ZNF345: variants seen among roughly 807,000 people sequenced by gnomAD.
ZNF345 encodes the protein zinc finger protein 345, also known as zinc finger protein HZF10.
For synonymous variants in ZNF345, 166 were observed against 187.9 expected (o/e 0.88, Z 0.95); for missense variants, 527 against 589.9 (o/e 0.89, Z 1.10).
At chr19:36,862,050 G>A (rs943785193) in intron 2 of ZNF345, among the ~76,000 whole-genome samples, 2 of 150,386 alleles carry the variant, frequency 1.3e-5, no homozygotes, top group Admixed American at 6.6e-5. Flanking sequence ...TAGTAGAGAC[G>A]GGGTTTCTCC....
In ZNF345 at chr19:36,862,108, G is replaced by A. The variant is rs891439814; in HGVS notation, c.-47+10204G>A. On this transcript the variant is annotated intron_variant, in intron 2 of 2. Transcript: ENST00000420450. ...ATTCCCGACCTCAGGTGATCTGCCC[G>A]CCTCAGCCTCCCAAAGTGCTGGGAT... 2.0e-5 allele frequency among the ~76,000 whole-genome samples: 3 copies of A among 151,750 alleles called. 1 individual carries two copies. The highest frequency in any genetic ancestry group is 4.2e-4 in the South Asian group (2 of 4,812).
chr19:36,853,270 C>T (rs1488934172), intron 2 of ZNF345, among the ~76,000 whole-genome samples: 2 of 105,344 alleles, frequency 1.9e-5, no homozygotes, highest in South Asian at 3.0e-4. Context: ...TTTTTTGACT[C>T]GAAGTTTCGC....
intron 3 of ZNF345, among the ~76,000 whole-genome samples, chr19:36,886,958 C>T (rs1207759715): frequency 1.4e-5 from 2 of 141,036 alleles, no homozygotes; most frequent in African/African-American, 5.5e-5. Flanking sequence ...AGCGCCACTG[C>T]AGTCCAGCTT....
chr19:36,891,147 T>C (rs1013560149), intron 3 of ZNF345: 5 of 193,564 alleles, frequency 2.6e-5, no homozygotes, highest in Non-Finnish European at 5.2e-5. Context: ...AATGTGAAGA[T>C]GGAGGCAGAG....
chr19:36,881,808 G>A (rs1362041639), downstream of ZNF345, among the ~76,000 whole-genome samples: 1 of 152,042 alleles, frequency 6.6e-6, no homozygotes, highest in African/African-American at 2.4e-5. Flanking sequence ...GATATATATT[G>A]AAACCCACTT....
At chr19:36,874,640 G>T (rs1043367070) in intron 2 of ZNF345, among the ~76,000 whole-genome samples, 1 of 151,964 alleles carries the variant, frequency 6.6e-6, no homozygotes, top group Non-Finnish European at 1.5e-5. Context: ...TTAGCCAGGC[G>T]TGGTGGCACA....
chr19:36,863,575 G>A (rs963296382), intron 2 of ZNF345, among the ~76,000 whole-genome samples: 1 of 152,174 alleles, frequency 6.6e-6, no homozygotes, highest in East Asian at 1.9e-4. Flanking sequence ...GCAAGACTGT[G>A]AATTCAACAT....
At position 36,877,343 on chromosome 19, in the gene ZNF345, G is replaced by A; in HGVS notation, c.513G>A (p.Glu171=). 6.2e-7 allele frequency: 1 copy of A among 1,614,138 alleles called. No homozygotes were observed. Among genetic ancestry groups the A allele is most frequent in the Non-Finnish European group, 8.5e-7 (1 of 1,180,020 alleles). Residue 171 remains glutamate (E), a synonymous_variant, in exon 3 of 3, where the codon GAG becomes GAA. Transcript: ENST00000420450. ...GACATCAGATCATTCACAGTGGTGAGAAGCCTTATGAGTGTAAGGAATGTG... is the reference window on the plus strand; with the variant it reads ...GACATCAGATCATTCACAGTGGTGAAAAGCCTTATGAGTGTAAGGAATGTG... The part of the protein sequence containing the change: ...LIRHQIIHSG[E]KPYECKECGK...
downstream of ZNF345, among the ~76,000 whole-genome samples, chr19:36,880,979 AT>A (rs1273237853): frequency 6.6e-6 from 1 of 152,186 alleles, no homozygotes; most frequent in Non-Finnish European, 1.5e-5. Flanking sequence ...TGGAGAAAGA[AT>A]AACTACAACA....
At chr19:36,852,437 C>T (rs989391930) in intron 2 of ZNF345, among the ~76,000 whole-genome samples, 2 of 151,830 alleles carry the variant, frequency 1.3e-5, no homozygotes, top group African/African-American at 4.8e-5. Flanking sequence ...ATGAGGAAAC[C>T]CCGTCTCTAC....
At position 36,858,953 on chromosome 19, in the gene ZNF345, C is replaced by T. The variant is rs112933600; in HGVS notation, c.-47+7049C>T. ...GAGTAGTTTTGGCAGAGGCAATCAA[C>T]AATATCTGCCATATCTGTGCACTTC... On this transcript the variant is annotated intron_variant, in intron 2 of 2. Coordinates refer to ENST00000420450, the MANE Select transcript of ZNF345 (RefSeq NM_001242472.2). Among the ~76,000 whole-genome samples, 315 of 152,186 alleles carry T rather than the reference C, an allele frequency of 2.1e-3. 2 individuals are homozygous for T. Among genetic ancestry groups the T allele is most frequent in the African/African-American group, 7.4e-3 (307 of 41,542 alleles).
At chr19:36,865,090 A>T (rs1160668976) in intron 2 of ZNF345, among the ~76,000 whole-genome samples, 1 of 152,178 alleles carries the variant, frequency 6.6e-6, no homozygotes, top group East Asian at 1.9e-4. Flanking sequence ...AAAGTCACCC[A>T]TGCTGCAGGA....
chr19:36,874,099 C>T (rs1255244294), intron 2 of ZNF345, among the ~76,000 whole-genome samples: 2 of 152,200 alleles, frequency 1.3e-5, no homozygotes, highest in Non-Finnish European at 2.9e-5. Context: ...ATAAACCGTA[C>T]ACTTTTTTAT....
rs374179438 is a variant in ZNF345, at chr19:36,877,603, A to G, written c.773A>G (p.Tyr258Cys). 10 of 1,613,916 alleles carry G rather than the reference A, an allele frequency of 6.2e-6. No homozygotes were observed. Among genetic ancestry groups the G allele is most frequent in the South Asian group, 1.1e-5 (1 of 91,074 alleles). Residue 258 changes from tyrosine (Y) to cysteine (C), a missense_variant, in exon 3 of 3, where the codon TAT (tyrosine) becomes TGT (cysteine). Physicochemically the swap from Tyr to Cys is radical, Grantham distance 194 (BLOSUM62 -2). Coordinates refer to ENST00000420450, the MANE Select transcript of ZNF345 (RefSeq NM_001242472.2). ...HQRIHTGEKP[Y>C]ICNECGKAFS... Reference sequence around the variant, plus strand: ...AGAATTCATACCGGTGAGAAACCATATATATGTAATGAATGTGGTAAGGCC... The same window carrying G: ...AGAATTCATACCGGTGAGAAACCATGTATATGTAATGAATGTGGTAAGGCC...
intron 2 of ZNF345, among the ~76,000 whole-genome samples, chr19:36,860,711 C>G (rs892454655): frequency 6.6e-6 from 1 of 152,300 alleles, no homozygotes; most frequent in African/African-American, 2.4e-5. Context: ...TGATTTATTC[C>G]ATTTCTGGAG....
At chr19:36,889,656 ATCT>A (rs1345790528) in intron 3 of ZNF345, 1 of 151,846 alleles carries the variant, frequency 6.6e-6, no homozygotes, top group Non-Finnish European at 1.5e-5. Flanking sequence ...ATTTATTTGA[ATCT>A]TCTTTTTTTC....
At chr19:36,858,805 A>G (rs138652568) in intron 2 of ZNF345, among the ~76,000 whole-genome samples, 38 of 152,256 alleles carry the variant, frequency 2.5e-4, no homozygotes, top group African/African-American at 7.7e-4. Flanking sequence ...AAGCTACCCA[A>G]GTGATTCTAA....
At chr19:36,883,532 T>G (rs117185172), downstream of ZNF345, among the ~76,000 whole-genome samples, 1 of 152,228 alleles carries the variant, frequency 6.6e-6, no homozygotes, top group South Asian at 2.1e-4. Flanking sequence ...CTGGTGGCAA[T>G]AGCATAAATT....
At chr19:36,892,498 A>T in intron 3 of ZNF345, 1 of 1,532,824 alleles carries the variant, frequency 6.5e-7, no homozygotes, top group African/African-American at 1.4e-5. Flanking sequence ...AGGCAAATAA[A>T]TTTTCCTATT....
Sources: allele counts gnomAD v4.1 joint callset (sites outside exome capture counted in the v4.1 genomes callset), GRCh38; gene constraint gnomAD v4.1.1; transcripts MANE v1.5; gene names NCBI Gene and HGNC (gene_info 2026-07-23, HGNC 2026-07-21).